Variants in EPS15L1 observed in about 807,000 individuals in gnomAD.
EPS15L1 encodes epidermal growth factor receptor substrate 15-like 1.
In EPS15L1, 43 loss-of-function variants were observed where a neutral mutation model predicts 117.1. The observed-to-expected ratio is 0.37, with a 90% CI of 0.29 to 0.47. The LOEUF (loss-of-function observed/expected upper bound fraction) is 0.47, where lower values mean the gene tolerates loss of function less well. EPS15L1 is among the 20% of genes least tolerant of loss of function. EPS15L1 has a pLI of 0.99. For synonymous variants in EPS15L1, 459 were observed against 470.5 expected (o/e 0.98, Z 0.32); for missense variants, 981 against 1,164.0 (o/e 0.84, Z 2.29).
At chr19:16,464,246 T>C (rs2093279388) in intron 1 of EPS15L1, among the ~76,000 whole-genome samples, 1 of 152,206 alleles carries the variant, frequency 6.6e-6, no homozygotes, top group Admixed American at 6.5e-5. Context: ...AAGCTTGTAG[T>C]ATCAAGAGCT....
intron 23 of EPS15L1, chr19:16,358,198 T>C (rs1217466651): frequency 6.5e-6 from 1 of 152,726 alleles, no homozygotes; most frequent in Admixed American, 6.5e-5. Context: ...TGTTTCCAAA[T>C]GAAAGGTGTC....
intron 5 of EPS15L1, 42 bp downstream of exon 5, chr19:16,437,728 T>C: frequency 7.2e-7 from 1 of 1,383,888 alleles, no homozygotes; most frequent in Non-Finnish European, 1.0e-6. Context: ...CACACACATC[T>C]GGTATTAGAA....
rs757407541 is a variant in EPS15L1, at chr19:16,402,454, C to T, written c.1658G>A (p.Ser553Asn). ...CAGGCTCCTGTGGGCCTCCTGGCGGCTTTCATGCAGCTGGGAAAGTTTGCT... is the reference window on the plus strand; with the variant it reads ...CAGGCTCCTGTGGGCCTCCTGGCGGTTTTCATGCAGCTGGGAAAGTTTGCT... Reference protein sequence around the residue: ...ARSKLSQLHESRQEAHRSLEQ... With the variant: ...ARSKLSQLHENRQEAHRSLEQ... Residue 553 changes from serine to asparagine, a missense_variant, in exon 16 of 24, where the codon AGC (serine) becomes AAC (asparagine). Physicochemically the swap from Ser to Asn is conservative, Grantham distance 46 (BLOSUM62 1). Around this residue, in one of 5 missense-constraint regions of EPS15L1, gnomAD observed 819 missense variants for 949.0 expected, o/e 0.86. Transcript: ENST00000455140. 5 of 1,609,582 alleles carry T rather than the reference C, an allele frequency of 3.1e-6. 1 individual carries two copies. In the South Asian group the frequency reaches 5.5e-5, roughly 18 times the overall value.
At chr19:16,377,287 T>TA (rs771410283) in intron 21 of EPS15L1, 33 bp from the exon 22 acceptor site, 82 of 1,605,964 alleles carry the variant, frequency 5.1e-5, no homozygotes, top group Non-Finnish European at 6.5e-5. Context: ...GAGGCAAAAA[T>TA]AGTTGTTAAA....
chr19:16,414,776 C>G (rs1316481821), intron 12 of EPS15L1, among the ~76,000 whole-genome samples: 1 of 150,828 alleles, frequency 6.6e-6, no homozygotes, highest in East Asian at 2.0e-4. Flanking sequence ...GTGGCACGAT[C>G]ATAGCTCACT....
intron 12 of EPS15L1, among the ~76,000 whole-genome samples, chr19:16,414,899 G>T (rs2092743508): frequency 6.6e-6 from 1 of 151,896 alleles, no homozygotes; most frequent in African/African-American, 2.4e-5. Flanking sequence ...TGTAGCCGAG[G>T]TCTCAATATA....
chr19:16,402,426 C>T lies in EPS15L1; in HGVS notation c.1686G>A (p.Glu562=), dbSNP rs2092611489. Residue 562 remains glutamate, a synonymous_variant, in exon 16 of 24, where the codon GAG becomes GAA. Coordinates refer to ENST00000455140, the MANE Select transcript of EPS15L1 (RefSeq NM_001258374.3). Reference sequence around the variant, plus strand: ...CTCCATCGAGCACCTGGTCATACTGCTCCAGGCTCCTGTGGGCCTCCTGGC... The same window carrying T: ...CTCCATCGAGCACCTGGTCATACTGTTCCAGGCTCCTGTGGGCCTCCTGGC... ...ESRQEAHRSL[E]QYDQVLDGAH... 2 of 1,613,838 alleles carry T rather than the reference C, an allele frequency of 1.2e-6. No individual in the cohort carries two copies. Among genetic ancestry groups the T allele is most frequent in the Non-Finnish European group, 1.7e-6 (2 of 1,179,844 alleles).
At chr19:16,395,229 T>C (rs2092527455) in intron 17 of EPS15L1, 115 bp downstream of exon 17, 2 of 1,060,028 alleles carry the variant, frequency 1.9e-6, no homozygotes, top group South Asian at 1.8e-5. Flanking sequence ...AGGCATTCCT[T>C]TCCCCCTCCA....
chr19:16,413,287 C>T (rs929322361), intron 13 of EPS15L1: 62 of 658,076 alleles, frequency 9.4e-5, no homozygotes, highest in African/African-American at 5.9e-4. Context: ...CTCATCCCCA[C>T]GCCCAGGGGC....
At chr19:16,464,620 G>A (rs1273149735) in intron 1 of EPS15L1, among the ~76,000 whole-genome samples, 1 of 152,184 alleles carries the variant, frequency 6.6e-6, no homozygotes, top group Non-Finnish European at 1.5e-5. Flanking sequence ...CTCTGGCTCA[G>A]TCCTCTTTGC....
Position 16,417,987 on chromosome 19 carries a change from C to T in EPS15L1, c.1068G>A (p.Pro356=), listed in dbSNP as rs775386517. ...CTCTCTCCGAAGGCGGGACCATGTC[C>T]GGCGAGAGGACTTGAGGAGGGTCGA... is the stretch of plus-strand genomic sequence containing the variant. ...KGIDPPQVLS[P]DMVPPSERGT... The change falls in exon 11 of 24, where the codon CCG becomes CCA. Residue 356 remains proline, a synonymous_variant. Coordinates refer to ENST00000455140, the MANE Select transcript of EPS15L1 (RefSeq NM_001258374.3). 1.1e-5 allele frequency: 18 copies of T among 1,614,004 alleles called. No individual in the cohort carries two copies. The highest frequency in any genetic ancestry group is 1.7e-5 in the Admixed American group (1 of 59,986).
chr19:16,437,060 G>A, intron 5 of EPS15L1, 61 bp from the exon 6 acceptor site: 3 of 1,483,086 alleles, frequency 2.0e-6, no homozygotes, highest in Non-Finnish European at 2.8e-6. Flanking sequence ...AGGTGGGTGG[G>A]TTTGCTGAAA....
intron 8 of EPS15L1, 120 bp downstream of exon 8, chr19:16,428,582 A>G (rs1448283109): frequency 6.0e-6 from 4 of 662,472 alleles, no homozygotes; most frequent in Non-Finnish European, 1.0e-5. Flanking sequence ...GGAAAGGAAA[A>G]GAAAAGAAAA....
chr19:16,442,890 C>A (rs1283958895), intron 1 of EPS15L1, among the ~76,000 whole-genome samples: 1 of 152,182 alleles, frequency 6.6e-6, no homozygotes, highest in Non-Finnish European at 1.5e-5. Flanking sequence ...TCTAGGGTCA[C>A]GCAGCTAATC....
chr19:16,410,756 A>T (rs1024865713), intron 13 of EPS15L1, among the ~76,000 whole-genome samples: 2 of 151,924 alleles, frequency 1.3e-5, no homozygotes, highest in African/African-American at 2.4e-5. Context: ...GCAAAAAAAA[A>T]TTAAAAATTA....
At chr19:16,393,475 C>T (rs2092502652) in intron 18 of EPS15L1, among the ~76,000 whole-genome samples, 1 of 151,602 alleles carries the variant, frequency 6.6e-6, no homozygotes, top group Admixed American at 6.6e-5. Context: ...CGGTGAAACC[C>T]CGTCTCTACT....
In EPS15L1 at chr19:16,381,867, G is replaced by C. The variant is rs1380679454; in HGVS notation, c.2247+3262C>G. 6.6e-6 allele frequency among the ~76,000 whole-genome samples: 1 copy of C among 152,244 alleles called. No individual in the cohort carries two copies. ...CGGCCTGGGATGGGGAGCCAAGCAG[G>C]TCTAGATGGGAAGTGGTGTGACCGG... is the stretch of plus-strand genomic sequence containing the variant. On this transcript the variant is annotated intron_variant, in intron 21 of 23. Transcript: ENST00000455140. This position sits in a 1 kb window ranked among gnomAD's most constrained non-coding sequence, Gnocchi z 4.2.
chr19:16,355,960 G>C (rs964952390), intron 23 of EPS15L1, 109 bp from the exon 24 acceptor site: 1 of 1,347,654 alleles, frequency 7.4e-7, no homozygotes, highest in African/African-American at 1.4e-5. Flanking sequence ...CCACCGCCCA[G>C]CGGAGGGTCC....
intron 1 of EPS15L1, among the ~76,000 whole-genome samples, chr19:16,449,924 C>T (rs534403749): frequency 5.1e-4 from 78 of 152,200 alleles, no homozygotes; most frequent in Non-Finnish European, 1.0e-3. Flanking sequence ...TGAATAATTC[C>T]ATCACATAAC....
Sources: allele counts gnomAD v4.1 joint callset (sites outside exome capture counted in the v4.1 genomes callset), GRCh38; gene constraint gnomAD v4.1.1; regional missense constraint gnomAD v4.1.1; non-coding constraint Gnocchi (gnomAD v3.1); transcripts MANE v1.5; gene names NCBI Gene and HGNC (gene_info 2026-07-23, HGNC 2026-07-21).